Variants in SLC24A2 observed in about 807,000 individuals in gnomAD.
The protein encoded by SLC24A2 is sodium/potassium/calcium exchanger 2.
In SLC24A2, 36 loss-of-function variants were observed where a neutral mutation model predicts 62.0. The ratio of observed to expected loss-of-function variants is 0.58; its 90% CI spans 0.44 to 0.77. SLC24A2 has a LOEUF of 0.77. Ranked by LOEUF, SLC24A2 falls within the 30% of genes least tolerant of loss-of-function variation. The pLI is 0.00. For synonymous variants in SLC24A2, 358 were observed against 294.0 expected (o/e 1.22, Z -2.23); for missense variants, 846 against 817.9 (o/e 1.03, Z -0.42).
At chr9:20,110,113 T>C in the SLC24A2 span, among the ~76,000 whole-genome samples, 1 of 152,164 alleles carries the variant, frequency 6.6e-6, no homozygotes, top group Non-Finnish European at 1.5e-5. Flanking sequence ...CTCACTCATT[T>C]CATGAAGAAC....
At chr9:19,761,390 T>C (rs913547308) in intron 2 of SLC24A2, among the ~76,000 whole-genome samples, 4 of 152,226 alleles carry the variant, frequency 2.6e-5, no homozygotes, top group African/African-American at 9.6e-5. Context: ...TGGTTTTGAT[T>C]TGCATTTCTG....
chr9:19,857,356 C>G, the SLC24A2 span, among the ~76,000 whole-genome samples: 3 of 152,182 alleles, frequency 2.0e-5, no homozygotes, highest in African/African-American at 7.2e-5. Context: ...TTCCCATCCC[C>G]AAATCCTCAA....
At chr9:20,229,718 C>G in the SLC24A2 span, among the ~76,000 whole-genome samples, 1 of 151,742 alleles carries the variant, frequency 6.6e-6, no homozygotes. Context: ...GATTATTTTT[C>G]TATTTCTTTT....
At chr9:19,788,202 T>C (rs371006544) in intron 1 of SLC24A2, among the ~76,000 whole-genome samples, 1 of 152,226 alleles carries the variant, frequency 6.6e-6, no homozygotes, top group East Asian at 1.9e-4. Context: ...GAGTTGCTGC[T>C]ACTCCTGAGA....
At chr9:20,236,943 G>A in the SLC24A2 span, among the ~76,000 whole-genome samples, 7 of 151,864 alleles carry the variant, frequency 4.6e-5, no homozygotes, top group East Asian at 3.9e-4. Flanking sequence ...ACAGCAAAAC[G>A]TGACCCAGAT....
chr9:20,189,272 T>C, the SLC24A2 span, among the ~76,000 whole-genome samples: 1 of 152,108 alleles, frequency 6.6e-6, no homozygotes, highest in Admixed American at 6.6e-5. Context: ...AAACCCCAAG[T>C]AGTTCTTAAG....
intron 2 of SLC24A2, among the ~76,000 whole-genome samples, chr9:19,732,266 G>A (rs751683159): frequency 1.3e-5 from 2 of 152,106 alleles, no homozygotes; most frequent in Non-Finnish European, 1.5e-5. Flanking sequence ...CCCCCTGGCT[G>A]GCATTGAAGA....
At chr9:20,098,749 G>T in the SLC24A2 span, among the ~76,000 whole-genome samples, 2 of 152,198 alleles carry the variant, frequency 1.3e-5, no homozygotes, top group Non-Finnish European at 2.9e-5. Context: ...ACTTGTGACT[G>T]TCTCTTTGTA....
chr9:20,130,051 T>A, the SLC24A2 span, among the ~76,000 whole-genome samples: 3 of 152,010 alleles, frequency 2.0e-5, no homozygotes, highest in African/African-American at 7.2e-5. Flanking sequence ...TCTTTCCCTT[T>A]GAATCTAAAA....
chr9:19,550,214 G>C lies in SLC24A2; in HGVS notation c.1402C>G (p.Arg468Gly). Residue 468 changes from arginine to glycine, a missense_variant, in exon 8 of 11, where the codon CGC (arginine) becomes GGC (glycine). Transcript: ENST00000341998. ...PLSLAWPSET[R>G]KQVTFLIVFP... The stretch of plus-strand genomic sequence containing the variant: ...ACAATCAGAAACGTGACTTGCTTGC[G>C]GGTTTCAGAAGGCCAGGCAAGGCTG... 6.2e-7 allele frequency: 1 copy of C among 1,614,082 alleles called. No homozygotes were observed. The highest frequency in any genetic ancestry group is 8.5e-7 in the Non-Finnish European group (1 of 1,179,972).
chr9:20,145,403 C>T, the SLC24A2 span, among the ~76,000 whole-genome samples: 1 of 152,070 alleles, frequency 6.6e-6, no homozygotes, highest in Non-Finnish European at 1.5e-5. Context: ...AGCAATCTCT[C>T]AGTTTCCTAG....
At chr9:19,560,024 G>C (rs1274920068) in intron 7 of SLC24A2, among the ~76,000 whole-genome samples, 2 of 152,000 alleles carry the variant, frequency 1.3e-5, no homozygotes, top group African/African-American at 4.8e-5. Context: ...TTGGGACCCT[G>C]AAACTGTAGT....
Position 19,554,145 on chromosome 9 carries a change from T to C in SLC24A2, c.1348-3877A>G, listed in dbSNP as rs146835513. On this transcript the variant is annotated intron_variant, in intron 7 of 10. Transcript: ENST00000341998. ...ACCTAGAGAGACACTAGGGGTTCCT[T>C]TGCACAGAAGAAAGGCCACATGAAG... is the stretch of plus-strand genomic sequence containing the variant. Among the ~76,000 whole-genome samples, 320 of 152,176 alleles carry C rather than the reference T, an allele frequency of 2.1e-3. 1 individual carries two copies. The highest frequency in any genetic ancestry group is 7.5e-3 in the African/African-American group (310 of 41,524).
chr9:19,764,820 G>C (rs1822461610), intron 2 of SLC24A2, among the ~76,000 whole-genome samples: 1 of 152,076 alleles, frequency 6.6e-6, no homozygotes, highest in East Asian at 1.9e-4. Context: ...AGGTCCTCTT[G>C]GTCCATAGCT....
At chr9:19,745,545 G>A (rs62546376) in intron 2 of SLC24A2, among the ~76,000 whole-genome samples, 28,518 of 151,990 alleles carry the variant, frequency 0.19, 3,045 homozygotes, top group Non-Finnish European at 0.25. Context: ...CAATCTATGC[G>A]TTGATAAGCA....
At chr9:19,873,520 TCTCC>T in the SLC24A2 span, among the ~76,000 whole-genome samples, 1 of 127,430 alleles carries the variant, frequency 7.8e-6, no homozygotes, top group East Asian at 3.0e-4. Context: ...TCTTTCTCTC[TCTCC>T]TTCCTTTCTT....
the SLC24A2 span, among the ~76,000 whole-genome samples, chr9:19,833,687 G>A: frequency 1.0e-3 from 159 of 152,336 alleles, no homozygotes; most frequent in Middle Eastern, 0.014. Context: ...AATAACCTCT[G>A]CAGACTTAAA....
At chr9:19,526,401 G>A (rs1833449063) in intron 9 of SLC24A2, among the ~76,000 whole-genome samples, 1 of 152,168 alleles carries the variant, frequency 6.6e-6, no homozygotes, top group South Asian at 2.1e-4. Flanking sequence ...GTAACTCTAT[G>A]TTTAATGTTT....
the SLC24A2 span, among the ~76,000 whole-genome samples, chr9:20,035,565 G>A: frequency 1.3e-5 from 2 of 152,094 alleles, no homozygotes; most frequent in African/African-American, 4.8e-5. Context: ...ACCAATCTGG[G>A]CAACATAGTG....
Sources: allele counts gnomAD v4.1 joint callset (sites outside exome capture counted in the v4.1 genomes callset), GRCh38; gene constraint gnomAD v4.1.1; transcripts MANE v1.5; gene names NCBI Gene and HGNC (gene_info 2026-07-23, HGNC 2026-07-21).